The following SPTBN1 variants were observed in gnomAD, a reference collection of about 807,000 sequenced individuals.
SPTBN1 encodes spectrin beta chain, non-erythrocytic 1.
A neutral mutation model predicts 266.4 loss-of-function variants in SPTBN1; 32 were observed. The ratio of observed to expected loss-of-function variants is 0.12; its 90% CI spans 0.09 to 0.16. The LOEUF is 0.16. Among genes scored for constraint, SPTBN1 ranks in the 10% least tolerant of loss-of-function variants. The probability of loss-of-function intolerance (pLI) is 1.00; values close to 1 mark genes in which losing one functional copy is unlikely to be tolerated. For missense variants in SPTBN1, 2,296 were observed against 3,067.1 expected (o/e 0.75, Z 5.94); for synonymous variants, 1,336 against 1,162.2 (o/e 1.15, Z -3.04).
chr2:54,619,126 G>A (rs1677827417), intron 7 of SPTBN1, among the ~76,000 whole-genome samples: 1 of 152,184 alleles, frequency 6.6e-6, no homozygotes, highest in African/African-American at 2.4e-5. Context: ...AAAGTTTAAA[G>A]TTCTTTTAAA....
At chr2:54,510,975 G>A (rs1005173711) in intron 1 of SPTBN1, among the ~76,000 whole-genome samples, 2 of 152,206 alleles carry the variant, frequency 1.3e-5, no homozygotes, top group African/African-American at 4.8e-5. Flanking sequence ...CTTTGGACAG[G>A]CTGTGCATTA....
At chr2:54,539,490 C>T (rs1162423527) in intron 2 of SPTBN1, among the ~76,000 whole-genome samples, 2 of 152,272 alleles carry the variant, frequency 1.3e-5, no homozygotes, top group African/African-American at 4.8e-5. Context: ...CATCTTTCTC[C>T]CTAAAGATAA....
chr2:54,645,221 G>A lies in SPTBN1; in HGVS notation c.4270-8G>A, dbSNP rs764771578. ...TGCTGAGCGCTGAGGCTGCTTCTCTGCCCTCAGATGCTGGAGAATCAGATG... is the reference window on the plus strand; with the variant it reads ...TGCTGAGCGCTGAGGCTGCTTCTCTACCCTCAGATGCTGGAGAATCAGATG... On this transcript the variant is annotated splice_region_variant and splice_polypyrimidine_tract_variant and intron_variant, in intron 20 of 35. Transcript: ENST00000356805. This position sits in a 1 kb window ranked among gnomAD's most constrained non-coding sequence, Gnocchi z 4.3. The A allele has an allele frequency of 1.4e-5, 23 of 1,613,858 alleles. No individual in the cohort carries two copies. Among genetic ancestry groups the A allele is most frequent in the Non-Finnish European group, 1.9e-5 (22 of 1,179,884 alleles).
At chr2:54,625,862 A>G (rs1678287098) in intron 11 of SPTBN1, 70 bp from the exon 12 acceptor site, 4 of 1,520,006 alleles carry the variant, frequency 2.6e-6, no homozygotes, top group Non-Finnish European at 3.5e-6. Flanking sequence ...AAGTGCTGGG[A>G]TTACAAGCAT....
chr2:54,649,601 C>T lies in SPTBN1; in HGVS notation c.5203-14C>T, dbSNP rs1324044762. On this transcript the variant is annotated splice_polypyrimidine_tract_variant and intron_variant, in intron 25 of 35. Coordinates refer to ENST00000356805, the MANE Select transcript of SPTBN1 (RefSeq NM_003128.3). The surrounding 1 kb of genome is among the most constrained non-coding windows in gnomAD (Gnocchi z 6.7). ...CAGTGGGCTCTCTGATTTCCTTACC[C>T]ATCCCCGTTTCAGATGTTACAAGAA... The T allele has an allele frequency of 6.2e-7, 1 of 1,601,904 alleles. No individual in the cohort carries two copies. The highest frequency in any genetic ancestry group is 8.5e-7 in the Non-Finnish European group (1 of 1,170,080).
At chr2:54,458,975 A>G (rs1297957917) in intron 1 of SPTBN1, among the ~76,000 whole-genome samples, 12 of 152,226 alleles carry the variant, frequency 7.9e-5, no homozygotes, top group Admixed American at 7.2e-4. Flanking sequence ...TTTCTCTAAT[A>G]GCCATTAAAA....
Position 54,622,222 on chromosome 2 carries a change from G to A in SPTBN1, c.877-78G>A, listed in dbSNP as rs1352377971. The A allele has an allele frequency of 4.4e-6, 6 of 1,378,058 alleles. No individual in the cohort carries two copies. In the Admixed American group the frequency reaches 9.5e-5, roughly 22 times the overall value. The allele number at this position is 1,378,058 out of a possible 1,614,324, so 85.4% of individuals were successfully genotyped here. A position where few individuals can be genotyped will look rare whatever the true frequency, so the allele number is the denominator to read the frequency against. ...TCAAAGCCGGTCGTTTTGTGTGCAT[G>A]CACTCGTATAGGGTTACAATCGTAT... On this transcript the variant is annotated intron_variant, in intron 8 of 35. Coordinates refer to ENST00000356805, the MANE Select transcript of SPTBN1 (RefSeq NM_003128.3).
chr2:54,560,980 T>A (rs1573415833), intron 2 of SPTBN1, among the ~76,000 whole-genome samples: 1 of 152,258 alleles, frequency 6.6e-6, no homozygotes, highest in East Asian at 1.9e-4. Context: ...GTTTGGTATT[T>A]GTAGTTCTGA....
At chr2:54,487,782 T>C (rs1189360420) in intron 1 of SPTBN1, among the ~76,000 whole-genome samples, 7 of 151,278 alleles carry the variant, frequency 4.6e-5, no homozygotes, top group African/African-American at 1.5e-4. Flanking sequence ...CATTCTTAAA[T>C]TGGCTTTTAA....
intron 2 of SPTBN1, 34 bp from the exon 3 acceptor site, chr2:54,599,058 G>T: frequency 6.2e-7 from 1 of 1,609,848 alleles, no homozygotes; most frequent in African/African-American, 1.3e-5. Flanking sequence ...CAGTTCTGTG[G>T]TCAATGGTAA....
chr2:54,646,017 G>T lies in SPTBN1; in HGVS notation c.4584G>T (p.Gln1528His), dbSNP rs759526094. ...QTVQLLIKKN[Q>H]TLQKEIQGHQ... ...TGCAGCTGTTAATAAAGAAAAATCAGGTAAGCCTTTCTGCTCGAGCTAGTT... is the reference window on the plus strand; with the variant it reads ...TGCAGCTGTTAATAAAGAAAAATCATGTAAGCCTTTCTGCTCGAGCTAGTT... Residue 1528 changes from glutamine (Q) to histidine (H), a missense_variant and splice_region_variant, in exon 22 of 36, where the codon CAG (glutamine) becomes CAT (histidine). This residue lies in a region of SPTBN1 where 644 missense variants were observed against 745.3 expected (regional missense o/e 0.86). Transcript: ENST00000356805. This position sits in a 1 kb window ranked among gnomAD's most constrained non-coding sequence, Gnocchi z 4.4. 1 of 1,614,048 alleles carries T rather than the reference G, an allele frequency of 6.2e-7. No homozygotes were observed. Among genetic ancestry groups the T allele is most frequent in the African/African-American group, 1.3e-5 (1 of 74,918 alleles).
At chr2:54,627,466 T>C (rs929559576) in intron 12 of SPTBN1, among the ~76,000 whole-genome samples, 1 of 152,070 alleles carries the variant, frequency 6.6e-6, no homozygotes, top group Admixed American at 6.5e-5. Context: ...TTGCTTGGGG[T>C]CTACTAAGCA....
At position 54,626,267 on chromosome 2, in the gene SPTBN1, C is replaced by G; in HGVS notation, c.1644+33C>G. ...CTGACCGAAAGGAAGGACGACAGAG[C>G]TGATCCAACCAGGGCTCTCTTTTCT... On this transcript the variant is annotated intron_variant, in intron 12 of 35. Coordinates refer to ENST00000356805, the MANE Select transcript of SPTBN1 (RefSeq NM_003128.3). The surrounding 1 kb of genome is among the most constrained non-coding windows in gnomAD (Gnocchi z 4.7). The G allele has an allele frequency of 1.9e-6, 3 of 1,591,852 alleles. No individual in the cohort carries two copies. The highest frequency in any genetic ancestry group is 1.1e-5 in the South Asian group (1 of 88,158).
intron 9 of SPTBN1, 134 bp downstream of exon 9, chr2:54,622,621 A>G: frequency 9.9e-7 from 1 of 1,014,502 alleles, no homozygotes; most frequent in Non-Finnish European, 1.4e-6. Flanking sequence ...ACTCCTTTTC[A>G]TCTGACTCTG....
At chr2:54,561,868 A>G (rs1055563678) in intron 2 of SPTBN1, among the ~76,000 whole-genome samples, 8 of 99,788 alleles carry the variant, frequency 8.0e-5, no homozygotes, top group Non-Finnish European at 1.3e-4. Context: ...GGGTCAGTAA[A>G]TAAGTGTGAT....
At chr2:54,610,071 A>G (rs543511464) in intron 3 of SPTBN1, among the ~76,000 whole-genome samples, 4 of 152,324 alleles carry the variant, frequency 2.6e-5, no homozygotes, top group South Asian at 4.1e-4. Context: ...GAGGCAAGAT[A>G]CACTTTTCCT....
chr2:54,620,000 C>T (rs544051780), intron 7 of SPTBN1, among the ~76,000 whole-genome samples: 24 of 152,330 alleles, frequency 1.6e-4, no homozygotes, highest in Admixed American at 7.8e-4. Context: ...CTGTTAAGAG[C>T]TGTCCTTTGT....
chr2:54,613,315 G>T (rs1371871064), intron 4 of SPTBN1, among the ~76,000 whole-genome samples: 1 of 150,562 alleles, frequency 6.6e-6, no homozygotes, highest in Non-Finnish European at 1.5e-5. Flanking sequence ...GATCTGTTTT[G>T]ATTTTTCTGG....
intron 32 of SPTBN1, chr2:54,661,535 A>T (rs937501778): frequency 2.0e-6 from 2 of 985,796 alleles, no homozygotes; most frequent in Non-Finnish European, 2.4e-6. Flanking sequence ...GTAGATGGGT[A>T]TATAGATAGA....
Sources: allele counts gnomAD v4.1 joint callset (sites outside exome capture counted in the v4.1 genomes callset), GRCh38; gene constraint gnomAD v4.1.1; regional missense constraint gnomAD v4.1.1; non-coding constraint Gnocchi (gnomAD v3.1); transcripts MANE v1.5; gene names NCBI Gene and HGNC (gene_info 2026-07-23, HGNC 2026-07-21).